FOXO1: variants seen among roughly 807,000 people sequenced by gnomAD.
The protein encoded by FOXO1 is forkhead box O1.
A neutral mutation model predicts 44.1 loss-of-function variants in FOXO1; 6 were observed. The ratio of observed to expected loss-of-function variants is 0.14; its 90% CI spans 0.07 to 0.27. The LOEUF (loss-of-function observed/expected upper bound fraction) is 0.27. Ranked by LOEUF, FOXO1 falls within the 10% of genes least tolerant of loss-of-function variation. The pLI is 1.00. For synonymous variants in FOXO1, 380 were observed against 362.7 expected, an observed-to-expected ratio of 1.05 and a Z score of -0.54; for missense variants, 737 against 888.8, an observed-to-expected ratio of 0.83 and a Z score of 2.17.
chr13:40,649,972 A>C (rs1169424322), intron 1 of FOXO1, among the ~76,000 whole-genome samples: 2 of 152,242 alleles, frequency 1.3e-5, no homozygotes, highest in Admixed American at 6.5e-5. Flanking sequence ...CACAAGGAAG[A>C]ATTCTGGACG....
At position 40,557,310 on chromosome 13, in the gene FOXO1, C is replaced by A. The variant is rs1873793790; in HGVS notation, c.*1739G>T. The A allele has an allele frequency of 6.6e-6, 1 of 152,144 alleles. No individual in the cohort carries two copies. The highest frequency in any genetic ancestry group is 1.5e-5 in the Non-Finnish European group (1 of 68,026). The allele number at this position is 152,144 out of a possible 1,614,324, so 9.4% of individuals were successfully genotyped here. On this transcript the variant is annotated 3_prime_UTR_variant, in exon 3 of 3. Coordinates refer to ENST00000379561, the MANE Select transcript of FOXO1 (RefSeq NM_002015.4). ...AAATACTGATGGACTAAATAGGACA[C>A]AAAGCCAATTAATTTGGTCTGTCAG...
intron 1 of FOXO1, among the ~76,000 whole-genome samples, chr13:40,623,853 A>G (rs748019206): frequency 3.3e-5 from 5 of 151,144 alleles, no homozygotes; most frequent in Admixed American, 6.6e-5. Flanking sequence ...TGTAATCCCA[A>G]CACTTTGGGA....
At chr13:40,627,221 C>T (rs113943829) in intron 1 of FOXO1, among the ~76,000 whole-genome samples, 13 of 152,204 alleles carry the variant, frequency 8.5e-5, no homozygotes, top group African/African-American at 3.1e-4. Flanking sequence ...TCCTCCCCAC[C>T]ACCTGTATCC....
chr13:40,653,056 A>G (rs950236177), intron 1 of FOXO1, among the ~76,000 whole-genome samples: 1 of 151,240 alleles, frequency 6.6e-6, no homozygotes, highest in Non-Finnish European at 1.5e-5. Context: ...TGTAACCTCC[A>G]CCTCCTGGGT....
chr13:40,611,112 C>G (rs1334758686), intron 1 of FOXO1: 2 of 449,764 alleles, frequency 4.4e-6, no homozygotes. Flanking sequence ...TGCACATAGG[C>G]TGTAAAACTC....
intron 1 of FOXO1, among the ~76,000 whole-genome samples, chr13:40,643,573 C>G (rs1297879404): frequency 6.6e-6 from 1 of 152,020 alleles, no homozygotes. Flanking sequence ...TCTTCCAAAG[C>G]ACAAAAACAA....
At chr13:40,598,580 A>G (rs1353137607) in intron 1 of FOXO1, among the ~76,000 whole-genome samples, 1 of 152,158 alleles carries the variant, frequency 6.6e-6, no homozygotes, top group Non-Finnish European at 1.5e-5. Context: ...AGGAATATTT[A>G]CATATATGTG....
chr13:40,595,913 G>T (rs540766163), intron 1 of FOXO1, among the ~76,000 whole-genome samples: 7 of 150,154 alleles, frequency 4.7e-5, no homozygotes, highest in Admixed American at 4.6e-4. Context: ...CTGGTTAGTC[G>T]TAGGCCCTGT....
At chr13:40,626,898 C>T (rs1439247022) in intron 1 of FOXO1, among the ~76,000 whole-genome samples, 1 of 152,222 alleles carries the variant, frequency 6.6e-6, no homozygotes, top group African/African-American at 2.4e-5. Context: ...AGTCTGGCCA[C>T]TGGGTCCCAA....
intron 1 of FOXO1, among the ~76,000 whole-genome samples, chr13:40,665,080 C>T (rs1259264152): frequency 3.3e-5 from 5 of 151,748 alleles, no homozygotes; most frequent in Admixed American, 2.0e-4. Flanking sequence ...CCCTGCCTGT[C>T]CCCTCCACCT....
chr13:40,665,664 C>T lies in FOXO1; in HGVS notation c.549G>A (p.Leu183=). Residue 183 remains leucine (L), a synonymous_variant, in exon 1 of 3, where the codon CTG becomes CTA. Coordinates refer to ENST00000379561, the MANE Select transcript of FOXO1 (RefSeq NM_002015.4). ...TGACCATCCACTCGTAGATCTGCGA[C>T]AGCGTGAGCCGCTTCTCCGCCGAGC... is the stretch of plus-strand genomic sequence containing the variant. ...IESSAEKRLT[L]SQIYEWMVKS... 1 of 1,539,388 alleles carries T rather than the reference C, an allele frequency of 6.5e-7. No individual in the cohort carries two copies. The highest frequency in any genetic ancestry group is 8.8e-7 in the Non-Finnish European group (1 of 1,137,186).
At chr13:40,656,247 G>A (rs554925205) in intron 1 of FOXO1, among the ~76,000 whole-genome samples, 1 of 152,232 alleles carries the variant, frequency 6.6e-6, no homozygotes, top group Non-Finnish European at 1.5e-5. Context: ...AGCCATCAAG[G>A]ATATCTAATA....
At chr13:40,656,646 G>A (rs1285028195) in intron 1 of FOXO1, among the ~76,000 whole-genome samples, 1 of 152,216 alleles carries the variant, frequency 6.6e-6, no homozygotes, top group African/African-American at 2.4e-5. Context: ...TTACACAAGT[G>A]TGTTCCTAAG....
intron 1 of FOXO1, among the ~76,000 whole-genome samples, chr13:40,652,587 T>C (rs553013301): frequency 1.3e-5 from 2 of 152,308 alleles, no homozygotes; most frequent in Admixed American, 6.5e-5. Flanking sequence ...AGGCACATCA[T>C]CTCTGATACA....
At chr13:40,612,500 C>T (rs60004847) in intron 1 of FOXO1, among the ~76,000 whole-genome samples, 144 of 152,296 alleles carry the variant, frequency 9.5e-4, no homozygotes, top group African/African-American at 2.8e-3. Context: ...TATACACACA[C>T]GTGCGTTCGC....
rs572784850 is a variant in FOXO1 at position 40,624,048 on chromosome 13, G to A, written c.630+41535C>T. On this transcript the variant is annotated intron_variant, in intron 1 of 2. Transcript: ENST00000379561. ...GAGCCCAGGAGTTTGAGGCTGTAAT[G>A]AGCTGTGATCAAACCACTGCTCTTC... is the stretch of plus-strand genomic sequence containing the variant. 1.3e-3 allele frequency among the ~76,000 whole-genome samples: 200 copies of A among 151,646 alleles called. 7 individuals carry two copies. In the South Asian group the frequency reaches 0.025, roughly 19 times the overall value.
intron 1 of FOXO1, among the ~76,000 whole-genome samples, chr13:40,636,352 T>TA (rs1877151088): frequency 6.6e-6 from 1 of 152,156 alleles, no homozygotes; most frequent in Non-Finnish European, 1.5e-5. Context: ...TGATGATACT[T>TA]ACACCATGAA....
intron 1 of FOXO1, among the ~76,000 whole-genome samples, chr13:40,635,648 T>C (rs949549164): frequency 5.9e-5 from 9 of 152,242 alleles, no homozygotes; most frequent in Non-Finnish European, 8.8e-5. Flanking sequence ...AGATGTCATG[T>C]CTGGGCAATC....
intron 1 of FOXO1, among the ~76,000 whole-genome samples, chr13:40,561,091 G>A (rs1404501163): frequency 1.3e-5 from 2 of 152,100 alleles, no homozygotes; most frequent in South Asian, 2.1e-4. Context: ...GGTGGCTCAC[G>A]CCTGTAATCC....
Sources: allele counts gnomAD v4.1 joint callset (sites outside exome capture counted in the v4.1 genomes callset), GRCh38; gene constraint gnomAD v4.1.1; transcripts MANE v1.5; gene names NCBI Gene and HGNC (gene_info 2026-07-23, HGNC 2026-07-21).